Variants in PAK5 observed in about 807,000 individuals in gnomAD.
The protein encoded by PAK5 is serine/threonine-protein kinase PAK 5.
A neutral mutation model predicts 65.9 loss-of-function variants in PAK5; 16 were observed. That is an observed-to-expected ratio of 0.24 (90% confidence interval 0.16 to 0.37). The LOEUF (loss-of-function observed/expected upper bound fraction) is 0.37, where lower values mean the gene tolerates loss of function less well. Ranked by LOEUF, PAK5 falls within the 10% of genes least tolerant of loss-of-function variation. The probability of loss-of-function intolerance (pLI) is 1.00; values close to 1 mark genes in which losing one functional copy is unlikely to be tolerated. For synonymous variants in PAK5, 371 were observed against 354.9 expected, an observed-to-expected ratio of 1.05 and a Z score of -0.51; for missense variants, 785 against 903.9, an observed-to-expected ratio of 0.87 and a Z score of 1.69.
chr20:9,613,245 G>A (rs2046596781), intron 3 of PAK5, among the ~76,000 whole-genome samples: 1 of 152,222 alleles, frequency 6.6e-6, no homozygotes. Context: ...AAAATTTCAA[G>A]AATCTTCTTA....
At chr20:9,756,540 G>A (rs1327075244) in intron 1 of PAK5, among the ~76,000 whole-genome samples, 2 of 152,114 alleles carry the variant, frequency 1.3e-5, no homozygotes, top group African/African-American at 4.8e-5. Context: ...AATATGAAAT[G>A]CGTTGTAAAA....
intron 1 of PAK5, among the ~76,000 whole-genome samples, chr20:9,813,518 A>G (rs143432119): frequency 1.1e-3 from 174 of 152,318 alleles, no homozygotes; most frequent in African/African-American, 3.7e-3. Context: ...ATTAATTCAC[A>G]TGATGTTCAC....
At chr20:9,830,177 C>A (rs1234389058) in intron 1 of PAK5, among the ~76,000 whole-genome samples, 1 of 152,202 alleles carries the variant, frequency 6.6e-6, no homozygotes, top group Non-Finnish European at 1.5e-5. Flanking sequence ...GTGACCAGGA[C>A]AGGGACCTGT....
At chr20:9,658,998 C>T (rs987705247) in intron 2 of PAK5, among the ~76,000 whole-genome samples, 10 of 152,194 alleles carry the variant, frequency 6.6e-5, no homozygotes, top group Middle Eastern at 6.8e-3. Flanking sequence ...ACATGTCCCA[C>T]CAACAGGTAA....
chr20:9,800,514 C>T (rs1194329834), intron 1 of PAK5, among the ~76,000 whole-genome samples: 1 of 152,052 alleles, frequency 6.6e-6, no homozygotes. Context: ...AATATTCTTA[C>T]AGCAGGACAA....
At chr20:9,778,672 G>C (rs1228943803) in intron 1 of PAK5, among the ~76,000 whole-genome samples, 1 of 152,154 alleles carries the variant, frequency 6.6e-6, no homozygotes, top group African/African-American at 2.4e-5. Context: ...CTGATCCTAA[G>C]TTTTCATATA....
chr20:9,664,581 T>G (rs1212148649), intron 2 of PAK5, among the ~76,000 whole-genome samples: 1 of 152,172 alleles, frequency 6.6e-6, no homozygotes, highest in African/African-American at 2.4e-5. Context: ...CTTTAACCCT[T>G]AGGGAACATC....
intron 1 of PAK5, among the ~76,000 whole-genome samples, chr20:9,832,072 G>A (rs1978763568): frequency 6.6e-6 from 1 of 151,700 alleles, no homozygotes; most frequent in South Asian, 2.1e-4. Context: ...ATAATAGTCT[G>A]TTATCTTGGG....
intron 1 of PAK5, among the ~76,000 whole-genome samples, chr20:9,730,528 G>A (rs376899256): frequency 2.6e-5 from 4 of 152,104 alleles, no homozygotes; most frequent in Non-Finnish European, 5.9e-5. Context: ...TTTCTTCTGC[G>A]TCACAAGCCT....
At chr20:9,690,630 C>G (rs1216842395) in intron 2 of PAK5, among the ~76,000 whole-genome samples, 1 of 151,932 alleles carries the variant, frequency 6.6e-6, no homozygotes, top group Non-Finnish European at 1.5e-5. Flanking sequence ...GCCCCTGCTT[C>G]CCACCCTGGA....
chr20:9,826,524 A>C (rs764093202), intron 1 of PAK5, among the ~76,000 whole-genome samples: 1 of 152,168 alleles, frequency 6.6e-6, no homozygotes, highest in Non-Finnish European at 1.5e-5. Flanking sequence ...CTGCTGTCAT[A>C]GATAGTATCC....
At chr20:9,663,204 C>T (rs2047370065) in intron 2 of PAK5, among the ~76,000 whole-genome samples, 3 of 152,084 alleles carry the variant, frequency 2.0e-5, no homozygotes, top group Non-Finnish European at 2.9e-5. Flanking sequence ...TGGTTTGGGG[C>T]AATATTTTGT....
intron 2 of PAK5, among the ~76,000 whole-genome samples, chr20:9,692,305 G>A (rs1224463780): frequency 6.6e-6 from 1 of 152,114 alleles, no homozygotes; most frequent in Admixed American, 6.6e-5. Context: ...TTTGTAATTA[G>A]CTTTCGAAAT....
intron 1 of PAK5, among the ~76,000 whole-genome samples, chr20:9,713,619 C>T (rs544611975): frequency 4.0e-5 from 4 of 99,898 alleles, no homozygotes; most frequent in Non-Finnish European, 8.4e-5. Context: ...ACTTAAGTTT[C>T]CATCACTGAA....
chr20:9,690,505 T>C (rs940315494), intron 2 of PAK5, among the ~76,000 whole-genome samples: 1 of 151,998 alleles, frequency 6.6e-6, no homozygotes, highest in Admixed American at 6.6e-5. Context: ...AAGAAGACTG[T>C]CAATGCAAGG....
chr20:9,827,802 C>CAA (rs143466524), intron 1 of PAK5, among the ~76,000 whole-genome samples: 1 of 151,738 alleles, frequency 6.6e-6, no homozygotes, highest in Non-Finnish European at 1.5e-5. Context: ...GGGGCACATG[C>CAA]AAAAAATGTT....
chr20:9,570,202 G>T (rs560076335), intron 4 of PAK5, among the ~76,000 whole-genome samples: 29 of 152,080 alleles, frequency 1.9e-4, no homozygotes, highest in Non-Finnish European at 3.7e-4. Context: ...TCTACTTGGT[G>T]TTATTATTAT....
intron 1 of PAK5, among the ~76,000 whole-genome samples, chr20:9,722,527 G>A (rs1438837542): frequency 6.6e-6 from 1 of 151,878 alleles, no homozygotes; most frequent in Non-Finnish European, 1.5e-5. Flanking sequence ...CAGGAGAATG[G>A]CATGAACCCG....
At chr20:9,792,617 TC>T (rs1400376273) in intron 1 of PAK5, among the ~76,000 whole-genome samples, 1 of 152,050 alleles carries the variant, frequency 6.6e-6, no homozygotes, top group East Asian at 1.9e-4. Context: ...GTGGAGACAA[TC>T]CTTTTGAGAA....
Sources: gnomAD v4.1 joint callset for allele counts (sites outside exome capture counted in the v4.1 genomes callset) on GRCh38, gnomAD v4.1.1 for gene constraint, MANE v1.5 for transcripts, NCBI Gene and HGNC (gene_info 2026-07-23, HGNC 2026-07-21) for gene names.